Variants in PPFIA3 observed in about 807,000 individuals in gnomAD.
The protein encoded by PPFIA3 is PPFI scaffold protein A3, also known as liprin-alpha-3.
PPFIA3 carries 26 observed loss-of-function variants against 145.8 expected under a neutral mutation model. That is an observed-to-expected ratio of 0.18 (90% CI 0.13 to 0.25). The LOEUF is 0.25. Among genes scored for constraint, PPFIA3 ranks in the 10% least tolerant of loss-of-function variants. The pLI, the probability that PPFIA3 is intolerant of heterozygous loss-of-function variation, is 1.00. For missense variants in PPFIA3, 1,008 were observed against 1,587.8 expected, an observed-to-expected ratio of 0.63 and a Z score of 6.21; for synonymous variants, 645 against 661.4, an observed-to-expected ratio of 0.98 and a Z score of 0.38.
intron 14 of PPFIA3, 73 bp downstream of exon 14, chr19:49,135,996 G>C: frequency 7.1e-7 from 1 of 1,417,708 alleles, no homozygotes; most frequent in Non-Finnish European, 9.2e-7. Context: ...AACTAAATCT[G>C]TGGGGCTCCG....
chr19:49,142,067 C>T lies in PPFIA3; in HGVS notation c.2496C>T (p.Gly832=), dbSNP rs1246289012. Residue 832 remains glycine (G), a synonymous_variant, in exon 20 of 30, where the codon GGC becomes GGT. Coordinates refer to ENST00000334186, the MANE Select transcript of PPFIA3 (RefSeq NM_003660.4). The part of the protein sequence containing the change: ...HELLEEACRQ[G]LPFAAWDGPT... Reference sequence around the variant, plus strand: ...TCCTGGAGGAGGCCTGCCGCCAGGGCCTACCTTTTGCTGCCTGGGACGGGC... The same window carrying T: ...TCCTGGAGGAGGCCTGCCGCCAGGGTCTACCTTTTGCTGCCTGGGACGGGC... 1.2e-5 allele frequency: 19 copies of T among 1,577,592 alleles called. No homozygotes were observed. The highest frequency in any genetic ancestry group is 1.6e-5 in the Non-Finnish European group (19 of 1,161,560).
rs1307791302 is a variant in PPFIA3, at chr19:49,128,124, G to T, written c.240+11G>T. The T allele has an allele frequency of 8.3e-7, 1 of 1,201,180 alleles. No individual in the cohort carries two copies. The highest frequency in any genetic ancestry group is 2.8e-5 in the East Asian group (1 of 35,832). 74.4% of individuals were successfully genotyped at this position (1,201,180 alleles called of 1,614,324 possible). A position where few individuals can be genotyped will look rare whatever the true frequency, so the allele number is the denominator to read the frequency against. On this transcript the variant is annotated intron_variant, in intron 2 of 29. Transcript: ENST00000334186. This position sits in a 1 kb window ranked among gnomAD's most constrained non-coding sequence, Gnocchi z 4.1. ...ATCGCGCTGCCCCAGGTCTGGGCGG[G>T]ACAGGGGCGGGGCATGAGGGGGCGG...
At position 49,140,639 on chromosome 19, in the gene PPFIA3, C is replaced by CTTTT. The variant is rs4002348; in HGVS notation, c.2368+576_2368+579dup. 1.9e-3 allele frequency among the ~76,000 whole-genome samples: 121 copies of CTTTT among 63,834 alleles called. 8 individuals carry two copies. Among genetic ancestry groups the CTTTT allele is most frequent in the African/African-American group, 7.8e-3 (99 of 12,750 alleles). 41.9% of individuals were successfully genotyped at this position (63,834 alleles called of 152,430 possible). On this transcript the variant is annotated intron_variant, in intron 18 of 29. Coordinates refer to ENST00000334186, the MANE Select transcript of PPFIA3 (RefSeq NM_003660.4). ...GTGCTGGGATTACAGACTCATTTAC[C>CTTTT]TTTTTTTTTTTTTTTTTTTTTTTTT...
At position 49,149,596 on chromosome 19, in the gene PPFIA3, G is replaced by T; in HGVS notation, c.3404G>T (p.Arg1135Leu). 1 of 1,614,204 alleles carries T rather than the reference G, an allele frequency of 6.2e-7. No homozygotes were observed. Among genetic ancestry groups the T allele is most frequent in the Non-Finnish European group, 8.5e-7 (1 of 1,180,038 alleles). ...TCCCCATCCTGGCGGAAGATGTTCC[G>T]GGAGAAGGACCTCCGAGGCGTAACT... ...SRSPSWRKMF[R>L]EKDLRGVTPD... The change falls in exon 28 of 30, where the codon CGG becomes CTG. Residue 1135 changes from arginine (R) to leucine (L), a missense_variant. Arg to Leu is a moderately radical substitution (Grantham distance 102). This residue lies in a region of PPFIA3 where 125 missense variants were observed against 159.3 expected (regional missense o/e 0.78). Transcript: ENST00000334186. This position sits in a 1 kb window ranked among gnomAD's most constrained non-coding sequence, Gnocchi z 5.7.
intron 1 of PPFIA3, among the ~76,000 whole-genome samples, chr19:49,123,061 C>A (rs76435231): frequency 0.17 from 25,336 of 149,226 alleles, 2,543 homozygotes; most frequent in East Asian, 0.24. Flanking sequence ...CGGAGTCTCA[C>A]TCTGTCACCC....
In PPFIA3 at chr19:49,128,547, T is replaced by C; in HGVS notation, c.342+79T>C. 1 of 1,332,736 alleles carries C rather than the reference T, an allele frequency of 7.5e-7. No homozygotes were observed. The highest frequency in any genetic ancestry group is 1.1e-6 in the Non-Finnish European group (1 of 941,806). 82.6% of individuals were successfully genotyped at this position (1,332,736 alleles called of 1,614,324 possible). On this transcript the variant is annotated intron_variant, in intron 3 of 29. Transcript: ENST00000334186. The surrounding 1 kb of genome is among the most constrained non-coding windows in gnomAD (Gnocchi z 4.1). ...AGTGGGGGGCGGGGCCTCTCAGTGTTGCAGCGTGACCTATTTTTTTCCCCC... is the reference window on the plus strand; with the variant it reads ...AGTGGGGGGCGGGGCCTCTCAGTGTCGCAGCGTGACCTATTTTTTTCCCCC...
At position 49,150,289 on chromosome 19, in the gene PPFIA3, G is replaced by C; in HGVS notation, c.*67G>C. The C allele has an allele frequency of 1.2e-6, 1 of 841,394 alleles. No homozygotes were observed. The highest frequency in any genetic ancestry group is 1.8e-6 in the Non-Finnish European group (1 of 553,374). 52.1% of individuals were successfully genotyped at this position (841,394 alleles called of 1,614,324 possible). On this transcript the variant is annotated 3_prime_UTR_variant, in exon 30 of 30. Coordinates refer to ENST00000334186, the MANE Select transcript of PPFIA3 (RefSeq NM_003660.4). ...CCGAGGCTGGGCTGTTCCCTCTCCT[G>C]CCCGGACTGTGGCCTCGCCGGGGAG...
chr19:49,147,428 G>A (rs967211211), intron 23 of PPFIA3, among the ~76,000 whole-genome samples: 4 of 152,154 alleles, frequency 2.6e-5, no homozygotes, highest in Admixed American at 6.6e-5. Flanking sequence ...GCTCATGCCT[G>A]TAATCCCAGC....
chr19:49,140,197 T>C (rs2122612679), intron 18 of PPFIA3, 109 bp downstream of exon 18: 2 of 1,344,696 alleles, frequency 1.5e-6, no homozygotes, highest in Non-Finnish European at 2.0e-6. Context: ...CTTCATTCAT[T>C]TGGTGATTTA....
At chr19:49,144,129 A>G (rs1260621953) in intron 21 of PPFIA3, among the ~76,000 whole-genome samples, 1 of 151,580 alleles carries the variant, frequency 6.6e-6, no homozygotes, top group Non-Finnish European at 1.5e-5. Flanking sequence ...CTCTGCCTCA[A>G]CCTTCCGAGT....
Position 49,133,507 on chromosome 19 carries a change from G to A in PPFIA3, c.1161+136G>A. 1 of 1,150,462 alleles carries A rather than the reference G, an allele frequency of 8.7e-7. No individual in the cohort carries two copies. Among genetic ancestry groups the A allele is most frequent in the Non-Finnish European group, 1.2e-6 (1 of 839,472 alleles). The allele number at this position is 1,150,462 out of a possible 1,614,324, so 71.3% of individuals were successfully genotyped here. Reference sequence around the variant, plus strand: ...GGAAAGGGTGGGGCCTAGGGGCTGGGAAAGGGACAGGACTTGGAATGGGGA... The same window carrying A: ...GGAAAGGGTGGGGCCTAGGGGCTGGAAAAGGGACAGGACTTGGAATGGGGA... On this transcript the variant is annotated intron_variant, in intron 9 of 29. Transcript: ENST00000334186. The surrounding 1 kb of genome is among the most constrained non-coding windows in gnomAD (Gnocchi z 7.2).
In PPFIA3 at chr19:49,150,812, T is replaced by C. The variant is rs1218302658; in HGVS notation, c.*590T>C. ...CTCACCGCCCCCCGTGCTGTGGCCG[T>C]GTCCGTGCCCCGGGGGTAGGGGGCG... is the stretch of plus-strand genomic sequence containing the variant. On this transcript the variant is annotated 3_prime_UTR_variant, in exon 30 of 30. Transcript: ENST00000334186. The C allele has an allele frequency of 6.5e-6, 1 of 154,286 alleles. No homozygotes were observed. Among genetic ancestry groups the C allele is most frequent in the Non-Finnish European group, 1.4e-5 (1 of 69,426 alleles). 9.6% of individuals were successfully genotyped at this position (154,286 alleles called of 1,614,324 possible).
chr19:49,138,168 C>A lies in PPFIA3; in HGVS notation c.1854-37C>A, dbSNP rs180798452. On this transcript the variant is annotated intron_variant, in intron 15 of 29. Transcript: ENST00000334186. The stretch of plus-strand genomic sequence containing the variant: ...AGATTCCCTCTCCCGCTGTCTGCTG[C>A]GGCCCCTCACCCAGTTTCCCCTATT... 3.3e-6 allele frequency: 5 copies of A among 1,520,980 alleles called. No individual in the cohort carries two copies. The Admixed American group carries it at 7.7e-5, about 24-fold the overall frequency. The allele number at this position is 1,520,980 out of a possible 1,614,324, so 94.2% of individuals were successfully genotyped here.
intron 23 of PPFIA3, among the ~76,000 whole-genome samples, chr19:49,147,414 G>A (rs751349264): frequency 4.6e-5 from 7 of 152,160 alleles, no homozygotes; most frequent in Non-Finnish European, 1.0e-4. Context: ...AGCCAGGCGC[G>A]GTGGCTCATG....
chr19:49,121,272 C>G (rs2040933425), intron 1 of PPFIA3, among the ~76,000 whole-genome samples: 1 of 152,190 alleles, frequency 6.6e-6, no homozygotes. Flanking sequence ...ATAAGGAGAT[C>G]TAGAAGCTAC....
rs1428635506 is a variant in PPFIA3 at position 49,133,755 on chromosome 19, C to T, written c.1162-41C>T. The T allele has an allele frequency of 6.3e-7, 1 of 1,597,524 alleles. No individual in the cohort carries two copies. The highest frequency in any genetic ancestry group is 1.7e-5 in the Admixed American group (1 of 59,216). On this transcript the variant is annotated intron_variant, in intron 9 of 29. Coordinates refer to ENST00000334186, the MANE Select transcript of PPFIA3 (RefSeq NM_003660.4). The surrounding 1 kb of genome is among the most constrained non-coding windows in gnomAD (Gnocchi z 7.2). ...AGGTGGGGCTGGGAGCCTGACTGAT[C>T]CTGGAAGGGTAAGTCACACGCCATG...
In PPFIA3 at chr19:49,130,452, G is replaced by A. The variant is rs746717411; in HGVS notation, c.732G>A (p.Arg244=). The A allele has an allele frequency of 1.3e-5, 21 of 1,608,850 alleles. No individual in the cohort carries two copies. In the Middle Eastern group the frequency reaches 1.8e-3, roughly 142 times the overall value. Residue 244 remains arginine, a synonymous_variant, in exon 7 of 30, where the codon CGG becomes CGA. Transcript: ENST00000334186. The surrounding 1 kb of genome is among the most constrained non-coding windows in gnomAD (Gnocchi z 4.5). ...RTAELEEALE[R]QRAEVCQLRE... ...CAGAGCTGGAGGAGGCCCTGGAGCGGCAGCGCGCCGAGGTGTGCCAGCTGC... is the reference window on the plus strand; with the variant it reads ...CAGAGCTGGAGGAGGCCCTGGAGCGACAGCGCGCCGAGGTGTGCCAGCTGC...
chr19:49,131,883 G>A (rs561615797), intron 7 of PPFIA3, among the ~76,000 whole-genome samples: 169 of 152,010 alleles, frequency 1.1e-3, no homozygotes, highest in Non-Finnish European at 1.8e-3. Flanking sequence ...GATGTCGGGC[G>A]CCCGTAGTCC....
chr19:49,143,063 C>T, intron 21 of PPFIA3, 59 bp downstream of exon 21: 1 of 1,555,370 alleles, frequency 6.4e-7, no homozygotes, highest in Non-Finnish European at 8.7e-7. Flanking sequence ...CTCTTGCCCT[C>T]AGTCTAGCCA....
Sources: gnomAD v4.1 joint callset for allele counts (sites outside exome capture counted in the v4.1 genomes callset) on GRCh38, gnomAD v4.1.1 for gene constraint, gnomAD v4.1.1 regional missense constraint, Gnocchi (gnomAD v3.1) non-coding constraint, MANE v1.5 for transcripts, NCBI Gene and HGNC (gene_info 2026-07-23, HGNC 2026-07-21) for gene names.